The following DTNA variants were observed in gnomAD, a reference collection of about 807,000 sequenced individuals.
The protein encoded by DTNA is dystrobrevin alpha.
DTNA carries 43 observed loss-of-function variants against 100.7 expected under a neutral mutation model. That is an observed-to-expected ratio of 0.43 (90% CI 0.33 to 0.55). The LOEUF is 0.55. Among genes scored for constraint, DTNA ranks in the 20% least tolerant of loss-of-function variants. The probability of loss-of-function intolerance (pLI) is 0.04; values close to 1 mark genes in which losing one functional copy is unlikely to be tolerated. For synonymous variants in DTNA, 349 were observed against 347.9 expected, an observed-to-expected ratio of 1.00 and a Z score of -0.04; for missense variants, 798 against 953.9, an observed-to-expected ratio of 0.84 and a Z score of 2.15.
chr18:34,832,416 A>G (rs1371913660), intron 11 of DTNA, among the ~76,000 whole-genome samples: 3 of 152,206 alleles, frequency 2.0e-5, no homozygotes, highest in Non-Finnish European at 2.9e-5. Flanking sequence ...TATACTATGC[A>G]TCATTAAAAC....
chr18:34,635,803 A>G (rs1298685437), intron 1 of DTNA, among the ~76,000 whole-genome samples: 1 of 152,200 alleles, frequency 6.6e-6, no homozygotes, highest in African/African-American at 2.4e-5. Context: ...GACAAAGGCA[A>G]GTTTTCCAAA....
At position 34,890,495 on chromosome 18, in the gene DTNA, C is replaced by A; in HGVS notation, c.*2761C>A. On this transcript the variant is annotated 3_prime_UTR_variant, in exon 23 of 23. Transcript: ENST00000444659. ...GTCCATTAGATACAACTACATCTTG[C>A]GGGGGTTGTTTCTTTCTTGTTCCAC... 12 of 1,532,694 alleles carry A rather than the reference C, an allele frequency of 7.8e-6. No individual in the cohort carries two copies. The highest frequency in any genetic ancestry group is 1.0e-5 in the Non-Finnish European group (12 of 1,144,824). 94.9% of individuals were successfully genotyped at this position (1,532,694 alleles called of 1,614,324 possible). A position where few individuals can be genotyped will look rare whatever the true frequency, so the allele number is the denominator to read the frequency against.
At position 34,765,858 on chromosome 18, in the gene DTNA, A is replaced by G. The variant is rs2093439321; in HGVS notation, c.68-103A>G. 5 of 1,089,124 alleles carry G rather than the reference A, an allele frequency of 4.6e-6. No homozygotes were observed. In the South Asian group the frequency reaches 7.2e-5, roughly 16 times the overall value. 67.5% of individuals were successfully genotyped at this position (1,089,124 alleles called of 1,614,324 possible). Reference sequence around the variant, plus strand: ...TATATTTATATTCTAATAAAAATAAAATTAGGGGTAAGGATCATATCTACA... The same window carrying G: ...TATATTTATATTCTAATAAAAATAAGATTAGGGGTAAGGATCATATCTACA... On this transcript the variant is annotated intron_variant, in intron 2 of 22. Transcript: ENST00000444659.
chr18:34,509,799 A>T (rs2040853618), intron 1 of DTNA, among the ~76,000 whole-genome samples: 1 of 151,998 alleles, frequency 6.6e-6, no homozygotes, highest in South Asian at 2.1e-4. Flanking sequence ...CAAACATATG[A>T]TGTAACAGCT....
chr18:34,858,828 C>T (rs1484549967), intron 16 of DTNA, among the ~76,000 whole-genome samples: 2 of 152,148 alleles, frequency 1.3e-5, no homozygotes, highest in African/African-American at 4.8e-5. Context: ...TCAGACTGGT[C>T]GCAAACTCCT....
At position 34,877,791 on chromosome 18, in the gene DTNA, T is replaced by C; in HGVS notation, c.1976T>C (p.Val659Ala). The change falls in exon 19 of 23, where the codon GTG (valine) becomes GCG (alanine). Residue 659 changes from valine to alanine, a missense_variant. By Grantham distance (64) the Val-to-Ala change is moderately conservative (BLOSUM62 0). This residue lies in a region of DTNA where 242 missense variants were observed against 238.2 expected (regional missense o/e 1.02). Coordinates refer to ENST00000444659, the MANE Select transcript of DTNA (RefSeq NM_001386795.1). Reference sequence around the variant, plus strand: ...ATCACTAACACTATGTCCTCTCTTGTGAAAGAGCTGAATTCTGGTGAGTTC... The same window carrying C: ...ATCACTAACACTATGTCCTCTCTTGCGAAAGAGCTGAATTCTGGTGAGTTC... Reference protein sequence around the residue: ...DSITNTMSSLVKELNSEVGSE... With the variant: ...DSITNTMSSLAKELNSEVGSE... 1 of 1,613,874 alleles carries C rather than the reference T, an allele frequency of 6.2e-7. No individual in the cohort carries two copies. The highest frequency in any genetic ancestry group is 8.5e-7 in the Non-Finnish European group (1 of 1,179,830).
intron 1 of DTNA, among the ~76,000 whole-genome samples, chr18:34,539,281 A>G (rs2044022220): frequency 6.6e-6 from 1 of 151,980 alleles, no homozygotes. Flanking sequence ...GGCAATGAAT[A>G]TGAAGATGTT....
chr18:34,693,563 A>G (rs1437143504), intron 1 of DTNA, among the ~76,000 whole-genome samples: 2 of 152,202 alleles, frequency 1.3e-5, no homozygotes, highest in African/African-American at 4.8e-5. Context: ...GTCTAAGAAG[A>G]GAAGACTGAG....
intron 1 of DTNA, among the ~76,000 whole-genome samples, chr18:34,517,280 A>G (rs2041723348): frequency 6.6e-6 from 1 of 152,102 alleles, no homozygotes; most frequent in Non-Finnish European, 1.5e-5. Context: ...TAAAAACTTT[A>G]TTTTCAGATA....
At chr18:34,646,468 T>C (rs1599540075) in intron 1 of DTNA, among the ~76,000 whole-genome samples, 1 of 152,346 alleles carries the variant, frequency 6.6e-6, no homozygotes, top group East Asian at 1.9e-4. Flanking sequence ...TTTTGAGCTA[T>C]TAAGTAAATG....
chr18:34,642,472 C>T (rs1441068495), intron 1 of DTNA, among the ~76,000 whole-genome samples: 1 of 152,174 alleles, frequency 6.6e-6, no homozygotes, highest in East Asian at 1.9e-4. Context: ...CACTTTACTT[C>T]AGGCTGGGTT....
chr18:34,855,435 G>A (rs1363221154), intron 15 of DTNA, among the ~76,000 whole-genome samples: 1 of 152,162 alleles, frequency 6.6e-6, no homozygotes, highest in Non-Finnish European at 1.5e-5. Context: ...AACCCAAAAA[G>A]GAGATGATTA....
Position 34,864,048 on chromosome 18 carries a change from ATGAAGCTAC to A in DTNA, c.1731_1739del (p.Met577_Leu580delinsIle). 6.2e-7 allele frequency: 1 copy of A among 1,609,780 alleles called. No individual in the cohort carries two copies. The highest frequency in any genetic ancestry group is 1.3e-5 in the African/African-American group (1 of 74,980). ...GCTAATGGTCCAGTTGGAGGGTCTC[ATGAAGCTAC>A]TAAAGGTAAGACCTGCCAGATAAAT... On this transcript the variant is annotated inframe_deletion, in exon 17 of 23. Coordinates refer to ENST00000444659, the MANE Select transcript of DTNA (RefSeq NM_001386795.1).
chr18:34,710,841 T>C (rs1167493009), intron 1 of DTNA, among the ~76,000 whole-genome samples: 1 of 152,148 alleles, frequency 6.6e-6, no homozygotes, highest in East Asian at 1.9e-4. Flanking sequence ...ACCTTATTAG[T>C]GGCATTTGTC....
At chr18:34,806,565 A>G (rs1024018061) in intron 5 of DTNA, among the ~76,000 whole-genome samples, 5 of 152,232 alleles carry the variant, frequency 3.3e-5, no homozygotes, top group African/African-American at 1.2e-4. Context: ...TTAAAGTAAA[A>G]TAAGCACTCT....
chr18:34,765,682 GGT>G (rs1310673646), intron 2 of DTNA, among the ~76,000 whole-genome samples: 2 of 152,150 alleles, frequency 1.3e-5, no homozygotes, highest in Non-Finnish European at 2.9e-5. Context: ...TTTCAGAAGT[GGT>G]GGACACAACA....
intron 4 of DTNA, among the ~76,000 whole-genome samples, chr18:34,804,310 A>G (rs1439512177): frequency 6.6e-6 from 1 of 152,164 alleles, no homozygotes; most frequent in Non-Finnish European, 1.5e-5. Flanking sequence ...CCATGAGCAA[A>G]CGTTAGAACT....
At chr18:34,799,742 G>C (rs115451412) in intron 4 of DTNA, among the ~76,000 whole-genome samples, 33 of 152,292 alleles carry the variant, frequency 2.2e-4, no homozygotes, top group African/African-American at 7.5e-4. Context: ...TTTCACAGCT[G>C]TAGATACATT....
chr18:34,891,738 T>C lies in DTNA; in HGVS notation c.*4004T>C, dbSNP rs2096965667. 1 of 152,276 alleles carries C rather than the reference T, an allele frequency of 6.6e-6. No individual in the cohort carries two copies. Among genetic ancestry groups the C allele is most frequent in the Non-Finnish European group, 1.5e-5 (1 of 68,046 alleles). 9.4% of individuals were successfully genotyped at this position (152,276 alleles called of 1,614,324 possible). A position where few individuals can be genotyped will look rare whatever the true frequency, so the allele number is the denominator to read the frequency against. On this transcript the variant is annotated 3_prime_UTR_variant, in exon 23 of 23. Coordinates refer to ENST00000444659, the MANE Select transcript of DTNA (RefSeq NM_001386795.1). ...CACACACTGTTCTTAACACTTTATG[T>C]GACTTCACTCAATTCTTTGAATCCT...
Sources: gnomAD v4.1 joint callset for allele counts (sites outside exome capture counted in the v4.1 genomes callset) on GRCh38, gnomAD v4.1.1 for gene constraint, gnomAD v4.1.1 regional missense constraint, MANE v1.5 for transcripts, NCBI Gene and HGNC (gene_info 2026-07-23, HGNC 2026-07-21) for gene names.